The following CACNA2D3 variants were observed in gnomAD, a reference collection of about 807,000 sequenced individuals.
CACNA2D3 encodes the protein calcium voltage-gated channel auxiliary subunit alpha2delta 3.
CACNA2D3 carries 60 observed loss-of-function variants against 160.6 expected under a neutral mutation model. The ratio of observed to expected loss-of-function variants is 0.37; its 90% CI spans 0.30 to 0.46. The LOEUF (loss-of-function observed/expected upper bound fraction) is 0.46. Among genes scored for constraint, CACNA2D3 ranks in the 20% least tolerant of loss-of-function variants. The probability of loss-of-function intolerance (pLI) is 1.00; values close to 1 mark genes in which losing one functional copy is unlikely to be tolerated. For synonymous variants in CACNA2D3, 558 were observed against 492.9 expected, an observed-to-expected ratio of 1.13 and a Z score of -1.75; for missense variants, 1,205 against 1,365.0, an observed-to-expected ratio of 0.88 and a Z score of 1.85.
At chr3:54,195,297 T>G (rs977556596) in intron 2 of CACNA2D3, among the ~76,000 whole-genome samples, 2 of 152,176 alleles carry the variant, frequency 1.3e-5, no homozygotes, top group African/African-American at 4.8e-5. Flanking sequence ...CCACCCTGGC[T>G]TATTTCTGCG....
At chr3:54,210,558 T>C (rs1306971837) in intron 2 of CACNA2D3, among the ~76,000 whole-genome samples, 4 of 152,150 alleles carry the variant, frequency 2.6e-5, no homozygotes, top group Non-Finnish European at 5.9e-5. Context: ...AGACTTAGTT[T>C]CCTCATCTGT....
chr3:54,489,235 G>T (rs2106916519), intron 4 of CACNA2D3, among the ~76,000 whole-genome samples: 1 of 152,266 alleles, frequency 6.6e-6, no homozygotes, highest in South Asian at 2.1e-4. Flanking sequence ...CACTCAGGTT[G>T]GTATTTCTGG....
chr3:54,191,406 TCA>T (rs1700980862), intron 2 of CACNA2D3, among the ~76,000 whole-genome samples: 1 of 151,240 alleles, frequency 6.6e-6, no homozygotes, highest in Admixed American at 6.6e-5. Flanking sequence ...AACATCATCA[TCA>T]TCATCATCAT....
At chr3:55,032,198 G>T (rs1031572860) in intron 35 of CACNA2D3, among the ~76,000 whole-genome samples, 20 of 152,290 alleles carry the variant, frequency 1.3e-4, no homozygotes, top group Admixed American at 7.2e-4. Context: ...TGCTGGAGTT[G>T]AATTAAGTCC....
At chr3:55,002,169 A>G (rs1356961481) in intron 31 of CACNA2D3, among the ~76,000 whole-genome samples, 1 of 151,964 alleles carries the variant, frequency 6.6e-6, no homozygotes, top group Non-Finnish European at 1.5e-5. Context: ...AAAAAAAAAA[A>G]AAAAAGAATG....
chr3:54,434,265 A>G (rs188941982), intron 4 of CACNA2D3, among the ~76,000 whole-genome samples: 2 of 152,212 alleles, frequency 1.3e-5, no homozygotes, highest in African/African-American at 4.8e-5. Flanking sequence ...AGCTGTGCTT[A>G]CACTCCCACC....
intron 8 of CACNA2D3, 118 bp from the exon 9 acceptor site, chr3:54,581,685 A>C (rs1702680468): frequency 1.3e-6 from 1 of 756,024 alleles, no homozygotes; most frequent in Admixed American, 2.2e-5. Flanking sequence ...CCTTATGTGA[A>C]TAAATGGAGC....
intron 11 of CACNA2D3, among the ~76,000 whole-genome samples, chr3:54,692,011 C>A (rs1575425933): frequency 6.6e-6 from 1 of 151,522 alleles, no homozygotes; most frequent in East Asian, 1.9e-4. Context: ...CAGAGTCTCA[C>A]TTGTCCAGGC....
intron 11 of CACNA2D3, among the ~76,000 whole-genome samples, chr3:54,654,654 G>A (rs1476520340): frequency 6.6e-6 from 1 of 152,140 alleles, no homozygotes; most frequent in Non-Finnish European, 1.5e-5. Context: ...CATGCCGGCG[G>A]GCAAGTGCTA....
At chr3:54,610,439 C>CTT (rs72127250) in intron 9 of CACNA2D3, among the ~76,000 whole-genome samples, 11 of 146,488 alleles carry the variant, frequency 7.5e-5, no homozygotes, top group Admixed American at 1.4e-4. Context: ...AATCATAATG[C>CTT]TTTTTTTTTT....
rs115971649 is a variant in CACNA2D3 at position 54,653,501 on chromosome 3, G to C, written c.1167+11260G>C. Among the ~76,000 whole-genome samples the C allele has an allele frequency of 5.6e-3, 854 of 152,286 alleles. 4 individuals carry two copies. Among genetic ancestry groups the C allele is most frequent in the Middle Eastern group, 0.01 (3 of 294 alleles). On this transcript the variant is annotated intron_variant, in intron 11 of 37. Coordinates refer to ENST00000474759, the MANE Select transcript of CACNA2D3 (RefSeq NM_018398.3). ...GAAAATAGGAACACTCATTTCTCAT[G>C]GTCAGTCAACAGCATGACAGGAAAA...
At chr3:54,463,289 A>G (rs986253962) in intron 4 of CACNA2D3, among the ~76,000 whole-genome samples, 29 of 152,004 alleles carry the variant, frequency 1.9e-4, no homozygotes, top group Admixed American at 4.6e-4. Flanking sequence ...TCTTTGTGGC[A>G]TTCTCTGTAT....
chr3:54,521,643 A>G (rs2106990821), intron 5 of CACNA2D3, among the ~76,000 whole-genome samples: 1 of 152,300 alleles, frequency 6.6e-6, no homozygotes, highest in East Asian at 1.9e-4. Context: ...ATGAAAATTT[A>G]TTCCTGTGTT....
intron 29 of CACNA2D3, among the ~76,000 whole-genome samples, chr3:54,982,713 T>G (rs1240826685): frequency 1.5e-5 from 2 of 133,112 alleles, no homozygotes; most frequent in Non-Finnish European, 3.1e-5. Flanking sequence ...CATTTTTATG[T>G]TTTTTTTTTT....
At chr3:54,769,131 G>C (rs1366034) in intron 13 of CACNA2D3, among the ~76,000 whole-genome samples, 4,805 of 152,108 alleles carry the variant, frequency 0.032, 232 homozygotes, top group African/African-American at 0.11. Flanking sequence ...TCATTTATAC[G>C]GGGTCAAAAC....
chr3:54,157,224 G>A (rs1043650404), intron 2 of CACNA2D3, among the ~76,000 whole-genome samples: 5 of 152,194 alleles, frequency 3.3e-5, no homozygotes, highest in Non-Finnish European at 5.9e-5. Flanking sequence ...AAAGACACCA[G>A]TACCAGCAGA....
intron 2 of CACNA2D3, among the ~76,000 whole-genome samples, chr3:54,272,190 T>C (rs1702636446): frequency 6.6e-6 from 1 of 152,208 alleles, no homozygotes; most frequent in Non-Finnish European, 1.5e-5. Context: ...TGACACGTGT[T>C]AGGTGGGCAT....
At position 54,567,465 on chromosome 3, in the gene CACNA2D3, A is replaced by G. The variant is rs562914022; in HGVS notation, c.677-2330A>G. 9.1e-4 allele frequency among the ~76,000 whole-genome samples: 139 copies of G among 152,224 alleles called. 1 individual carries two copies. The highest frequency in any genetic ancestry group is 6.8e-3 in the Middle Eastern group (2 of 294). On this transcript the variant is annotated intron_variant, in intron 6 of 37. Coordinates refer to ENST00000474759, the MANE Select transcript of CACNA2D3 (RefSeq NM_018398.3). ...CTTTCAAGTAGGGAAGACAAATGCC[A>G]TGTTTCAGTAGGATAGGCAGTATCT...
intron 27 of CACNA2D3, among the ~76,000 whole-genome samples, chr3:54,962,074 A>G (rs939044265): frequency 4.6e-5 from 7 of 152,140 alleles, no homozygotes; most frequent in African/African-American, 1.4e-4. Context: ...TTAACCCATT[A>G]ATCTATTAAT....
Sources: gnomAD v4.1 joint callset for allele counts (sites outside exome capture counted in the v4.1 genomes callset) on GRCh38, gnomAD v4.1.1 for gene constraint, MANE v1.5 for transcripts, NCBI Gene and HGNC (gene_info 2026-07-23, HGNC 2026-07-21) for gene names.